MACROD2: variants seen among roughly 807,000 people sequenced by gnomAD.
The protein encoded by MACROD2 is mono-ADP ribosylhydrolase 2.
Under a neutral mutation model 70.4 loss-of-function variants are expected in MACROD2, and 36 were observed. The observed-to-expected ratio is 0.51, with a 90% confidence interval of 0.39 to 0.68. The LOEUF is 0.68. Among genes scored for constraint, MACROD2 ranks in the 30% least tolerant of loss-of-function variants. MACROD2 has a pLI of 0.00. For synonymous variants in MACROD2, 172 were observed against 178.8 expected (o/e 0.96, Z 0.30); for missense variants, 496 against 538.4 (o/e 0.92, Z 0.78).
chr20:15,544,733 C>G (rs2048004359), intron 8 of MACROD2, among the ~76,000 whole-genome samples: 1 of 152,168 alleles, frequency 6.6e-6, no homozygotes, highest in Non-Finnish European at 1.5e-5. Flanking sequence ...TTGCTATTGT[C>G]TTTGTATTTT....
At chr20:15,363,678 G>A (rs910341731) in intron 6 of MACROD2, among the ~76,000 whole-genome samples, 5 of 152,152 alleles carry the variant, frequency 3.3e-5, no homozygotes, top group African/African-American at 1.2e-4. Context: ...AGATTGTATT[G>A]CTGCAAGAGG....
chr20:14,432,743 TC>T (rs1469901980), intron 3 of MACROD2, among the ~76,000 whole-genome samples: 10 of 152,098 alleles, frequency 6.6e-5, no homozygotes. Flanking sequence ...CCTTTGTTCT[TC>T]AGGTATTCCA....
rs977711936 is a variant in MACROD2, at chr20:15,198,525, G to A, written c.419-31415G>A. On this transcript the variant is annotated intron_variant, in intron 5 of 17. Transcript: ENST00000684519. ...CCTATTTATTTACATTTGTATACTA[G>A]AGATCACTGGATATACAACTGAGCG... Among the ~76,000 whole-genome samples, 7 of 152,094 alleles carry A rather than the reference G, an allele frequency of 4.6e-5. No homozygotes were observed. In the South Asian group the frequency reaches 1.0e-3, roughly 23 times the overall value.
chr20:15,941,828 T>C (rs374211855), intron 12 of MACROD2, among the ~76,000 whole-genome samples: 1 of 152,194 alleles, frequency 6.6e-6, no homozygotes, highest in Non-Finnish European at 1.5e-5. Flanking sequence ...CAGGTCTTTT[T>C]TTCTCTTTCT....
chr20:14,069,921 A>T (rs2053816358), intron 2 of MACROD2, among the ~76,000 whole-genome samples: 1 of 151,802 alleles, frequency 6.6e-6, no homozygotes, highest in African/African-American at 2.4e-5. Context: ...TGGCTAGTAT[A>T]TTGGAGAATG....
chr20:15,158,499 A>C (rs2076324885), intron 5 of MACROD2, among the ~76,000 whole-genome samples: 1 of 152,176 alleles, frequency 6.6e-6, no homozygotes, highest in African/African-American at 2.4e-5. Flanking sequence ...ATTTAGTAAA[A>C]GGCAGGCTAA....
At chr20:15,581,634 G>A (rs186619936) in intron 8 of MACROD2, among the ~76,000 whole-genome samples, 14 of 152,298 alleles carry the variant, frequency 9.2e-5, no homozygotes, top group Admixed American at 6.5e-4. Flanking sequence ...TGACTTAAAT[G>A]TAGATTTTCA....
intron 3 of MACROD2, among the ~76,000 whole-genome samples, chr20:14,469,163 A>G (rs2084496577): frequency 6.6e-6 from 1 of 151,712 alleles, no homozygotes; most frequent in Non-Finnish European, 1.5e-5. Flanking sequence ...TCTGTAAAGG[A>G]TTTTTTTTCT....
intron 8 of MACROD2, among the ~76,000 whole-genome samples, chr20:15,598,879 G>A (rs750841773): frequency 4.6e-5 from 7 of 152,108 alleles, no homozygotes; most frequent in Non-Finnish European, 5.9e-5. Flanking sequence ...CATTGTTTAC[G>A]TGAAATTCCA....
At chr20:14,237,884 T>C (rs2081891938) in intron 3 of MACROD2, among the ~76,000 whole-genome samples, 1 of 152,106 alleles carries the variant, frequency 6.6e-6, no homozygotes, top group Non-Finnish European at 1.5e-5. Context: ...TCATCCTTTT[T>C]TATGGCTGCA....
At chr20:15,562,314 A>C (rs2048255508) in intron 8 of MACROD2, among the ~76,000 whole-genome samples, 1 of 152,150 alleles carries the variant, frequency 6.6e-6, no homozygotes, top group African/African-American at 2.4e-5. Flanking sequence ...CCTTCATATA[A>C]GTATGTGATG....
chr20:14,307,834 G>T (rs1029675166), intron 3 of MACROD2, among the ~76,000 whole-genome samples: 1 of 152,022 alleles, frequency 6.6e-6, no homozygotes, highest in African/African-American at 2.4e-5. Flanking sequence ...TCTAGCATTT[G>T]AATTATAATC....
chr20:14,865,393 C>T (rs917692525), intron 5 of MACROD2, among the ~76,000 whole-genome samples: 1 of 149,464 alleles, frequency 6.7e-6, no homozygotes, highest in South Asian at 2.1e-4. Flanking sequence ...ACTTATTTGG[C>T]TTTTTTTTTT....
At chr20:15,863,346 C>T (rs576945848) in intron 9 of MACROD2, among the ~76,000 whole-genome samples, 8 of 152,296 alleles carry the variant, frequency 5.3e-5, no homozygotes, top group Non-Finnish European at 1.0e-4. Flanking sequence ...GAATGGCAGT[C>T]ATTCACACTT....
chr20:14,988,571 A>G (rs1207861650), intron 5 of MACROD2, among the ~76,000 whole-genome samples: 1 of 152,156 alleles, frequency 6.6e-6, no homozygotes, highest in East Asian at 1.9e-4. Context: ...TTTTTAAGTG[A>G]CATTGATGCT....
At chr20:15,712,536 A>G (rs2050643445) in intron 8 of MACROD2, among the ~76,000 whole-genome samples, 5 of 152,216 alleles carry the variant, frequency 3.3e-5, no homozygotes, top group Admixed American at 1.3e-4. Context: ...AGGGCAGGCA[A>G]GAGCCAGGGA....
At chr20:15,631,577 T>C (rs1414310759) in intron 8 of MACROD2, among the ~76,000 whole-genome samples, 3 of 152,130 alleles carry the variant, frequency 2.0e-5, no homozygotes, top group Non-Finnish European at 1.5e-5. Context: ...GGAGAAGGAA[T>C]GTTAAATTCC....
intron 12 of MACROD2, among the ~76,000 whole-genome samples, chr20:15,945,613 C>A (rs1423663798): frequency 6.6e-6 from 1 of 152,176 alleles, no homozygotes; most frequent in African/African-American, 2.4e-5. Flanking sequence ...TATAGCAATT[C>A]ATATTTCTAT....
At chr20:14,495,484 T>C (rs890653665) in intron 4 of MACROD2, among the ~76,000 whole-genome samples, 2 of 152,318 alleles carry the variant, frequency 1.3e-5, no homozygotes, top group East Asian at 1.9e-4. Context: ...TAGCATGTAG[T>C]CTTTTATTCC....
Sources: gnomAD v4.1 joint callset for allele counts (sites outside exome capture counted in the v4.1 genomes callset) on GRCh38, gnomAD v4.1.1 for gene constraint, MANE v1.5 for transcripts, NCBI Gene and HGNC (gene_info 2026-07-23, HGNC 2026-07-21) for gene names.